Variants in GORAB observed in about 807,000 individuals in gnomAD.
GORAB encodes the protein golgin, RAB6 interacting.
In GORAB, 17 loss-of-function variants were observed where a neutral mutation model predicts 29.9. The observed-to-expected ratio is 0.57, with a 90% CI of 0.39 to 0.85. GORAB has a LOEUF of 0.85. Among genes scored for constraint, GORAB ranks in the 40% least tolerant of loss-of-function variants. The probability of loss-of-function intolerance (pLI) is 0.00; values close to 1 mark genes in which losing one functional copy is unlikely to be tolerated. For missense variants in GORAB, 442 were observed against 437.8 expected (o/e 1.01, Z -0.09); for synonymous variants, 183 against 157.2 (o/e 1.16, Z -1.23).
intron 2 of GORAB, 172 bp downstream of exon 2, chr1:170,539,739 A>C: frequency 1.5e-6 from 1 of 662,406 alleles, no homozygotes; most frequent in East Asian, 2.8e-5. Context: ...CCTAAATATA[A>C]GCTGGACACA....
At position 170,552,192 on chromosome 1, in the gene GORAB, A is replaced by G; in HGVS notation, c.840A>G (p.Glu280=). The G allele has an allele frequency of 6.2e-7, 1 of 1,614,142 alleles. No homozygotes were observed. Among genetic ancestry groups the G allele is most frequent in the Non-Finnish European group, 8.5e-7 (1 of 1,179,994 alleles). ...AACAACTAGATGTAGAAGCCGATGA[A>G]GAGACTTTGGAGCTTGAGGTGGAGG... The part of the protein sequence containing the change: ...LMQQLDVEAD[E]ETLELEVEVE... Residue 280 remains glutamate, a synonymous_variant, in exon 5 of 5, where the codon GAA becomes GAG. Transcript: ENST00000367763.
rs1650260583 is a variant in GORAB, at chr1:170,553,521, T to G, written c.*1059T>G. ...AAAATATTACCTTTGAGGACTTTTTTTTTTTAAAAAAAGAATTATTATCAG... is the reference window on the plus strand; with the variant it reads ...AAAATATTACCTTTGAGGACTTTTTGTTTTTAAAAAAAGAATTATTATCAG... On this transcript the variant is annotated 3_prime_UTR_variant, in exon 5 of 5. Coordinates refer to ENST00000367763, the MANE Select transcript of GORAB (RefSeq NM_152281.3). 9.3e-6 allele frequency: 4 copies of G among 428,838 alleles called. No homozygotes were observed. The highest frequency in any genetic ancestry group is 1.8e-5 in the Non-Finnish European group (4 of 220,330). 26.6% of individuals were successfully genotyped at this position (428,838 alleles called of 1,614,324 possible).
chr1:170,539,084 A>G (rs974664888), intron 1 of GORAB, 126 bp from the exon 2 acceptor site: 5 of 1,152,344 alleles, frequency 4.3e-6, no homozygotes, highest in Non-Finnish European at 5.0e-6. Context: ...GACTTTCAAG[A>G]TAGAGAATGG....
At chr1:170,534,192 G>A (rs983239149) in intron 1 of GORAB, among the ~76,000 whole-genome samples, 1 of 152,192 alleles carries the variant, frequency 6.6e-6, no homozygotes, top group African/African-American at 2.4e-5. Context: ...CTCATCTAGC[G>A]GGCTACTGTA....
At chr1:170,532,604 G>T in intron 1 of GORAB, 1 of 367,066 alleles carries the variant, frequency 2.7e-6, no homozygotes. Context: ...AGGGAAGATT[G>T]CTGCAGGAAT....
Position 170,552,432 on chromosome 1 carries a change from T to G in GORAB, c.1080T>G (p.Gly360=). ...GTCCAAACTGCCCAAATCAAGAAGG[T>G]AATGACATTTCAGCTGCTTTGGCCA... ...FLSPNCPNQE[G]NDISAALAT is the part of the protein sequence containing the mutation. Residue 360 remains glycine, a synonymous_variant, in exon 5 of 5, where the codon GGT becomes GGG. Coordinates refer to ENST00000367763, the MANE Select transcript of GORAB (RefSeq NM_152281.3). 1 of 1,613,928 alleles carries G rather than the reference T, an allele frequency of 6.2e-7. No homozygotes were observed. Among genetic ancestry groups the G allele is most frequent in the Non-Finnish European group, 8.5e-7 (1 of 1,179,912 alleles).
rs193214787 is a variant in GORAB, at chr1:170,546,983, C to T, written c.662+2138C>T. ...TACAGGTGTGAGCCACCACGCCTGG[C>T]CATGTGCTGCTATTTTCAAAAGCCG... is the stretch of plus-strand genomic sequence containing the variant. On this transcript the variant is annotated intron_variant, in intron 4 of 4. Coordinates refer to ENST00000367763, the MANE Select transcript of GORAB (RefSeq NM_152281.3). Among the ~76,000 whole-genome samples the T allele has an allele frequency of 2.2e-3, 340 of 152,292 alleles. 2 individuals carry two copies. Among genetic ancestry groups the T allele is most frequent in the African/African-American group, 7.7e-3 (319 of 41,552 alleles).
At position 170,553,504 on chromosome 1, in the gene GORAB, A is replaced by T; in HGVS notation, c.*1042A>T. On this transcript the variant is annotated 3_prime_UTR_variant, in exon 5 of 5. Coordinates refer to ENST00000367763, the MANE Select transcript of GORAB (RefSeq NM_152281.3). ...AGAAATTCCAAAAAGTAAAAATATTACCTTTGAGGACTTTTTTTTTTTAAA... is the reference window on the plus strand; with the variant it reads ...AGAAATTCCAAAAAGTAAAAATATTTCCTTTGAGGACTTTTTTTTTTTAAA... 2.3e-6 allele frequency: 1 copy of T among 428,822 alleles called. No individual in the cohort carries two copies. The highest frequency in any genetic ancestry group is 2.8e-5 in the Admixed American group (1 of 35,820). 26.6% of individuals were successfully genotyped at this position (428,822 alleles called of 1,614,324 possible).
intron 4 of GORAB, among the ~76,000 whole-genome samples, chr1:170,550,579 G>A (rs1650045162): frequency 6.6e-6 from 1 of 152,186 alleles, no homozygotes; most frequent in Non-Finnish European, 1.5e-5. Flanking sequence ...GGGTACACAT[G>A]GTAAATGTCA....
At position 170,552,276 on chromosome 1, in the gene GORAB, G is replaced by A. The variant is rs756523169; in HGVS notation, c.924G>A (p.Glu308=). The change falls in exon 5 of 5, where the codon GAG becomes GAA. Residue 308 remains glutamate (E), a synonymous_variant. Transcript: ENST00000367763. ...VESRRPVVRL[E]RPFQPAEESV... is the part of the protein sequence containing the mutation. ...CAAGGAGACCAGTGGTTCGTTTAGAGAGGCCATTTCAGCCTGCGGAGGAGA... is the reference window on the plus strand; with the variant it reads ...CAAGGAGACCAGTGGTTCGTTTAGAAAGGCCATTTCAGCCTGCGGAGGAGA... 6.2e-7 allele frequency: 1 copy of A among 1,614,158 alleles called. No homozygotes were observed. Among genetic ancestry groups the A allele is most frequent in the South Asian group, 1.1e-5 (1 of 91,080 alleles).
chr1:170,536,433 C>T (rs1649066332), intron 1 of GORAB: 1 of 152,152 alleles, frequency 6.6e-6, no homozygotes, highest in East Asian at 1.9e-4. Flanking sequence ...TACTATTTTA[C>T]ACCCATTTGA....
At chr1:170,532,706 G>C in intron 1 of GORAB, 2 of 189,038 alleles carry the variant, frequency 1.1e-5, no homozygotes, top group South Asian at 2.0e-4. Context: ...CAGATGGTTG[G>C]AAAAAAGGAG....
intron 4 of GORAB, among the ~76,000 whole-genome samples, chr1:170,549,728 G>T (rs942016301): frequency 1.3e-5 from 2 of 152,104 alleles, no homozygotes; most frequent in African/African-American, 2.4e-5. Flanking sequence ...AACATAGAGG[G>T]TTATTGAAAG....
intron 4 of GORAB, among the ~76,000 whole-genome samples, chr1:170,549,703 T>A (rs1482994395): frequency 6.6e-6 from 1 of 152,194 alleles, no homozygotes; most frequent in East Asian, 1.9e-4. Context: ...AGAGTTCCTT[T>A]AGAACAATTC....
intron 4 of GORAB, among the ~76,000 whole-genome samples, chr1:170,547,718 C>G (rs1346566310): frequency 6.6e-6 from 1 of 152,082 alleles, no homozygotes; most frequent in Non-Finnish European, 1.5e-5. Context: ...AGCATGGTAA[C>G]CATCTTTGTA....
At chr1:170,542,667 T>C in intron 3 of GORAB, 75 bp downstream of exon 3, 1 of 982,102 alleles carries the variant, frequency 1.0e-6, no homozygotes, top group Non-Finnish European at 1.6e-6. Flanking sequence ...TGTTTTCCCA[T>C]GTCTCTTTTA....
At chr1:170,543,330 A>G (rs1395957118) in intron 3 of GORAB, among the ~76,000 whole-genome samples, 2 of 152,232 alleles carry the variant, frequency 1.3e-5, no homozygotes, top group Non-Finnish European at 2.9e-5. Flanking sequence ...ATGGTTGTGA[A>G]TAGTGAAAAC....
In GORAB at chr1:170,539,194, A is replaced by G. The variant is rs561578722; in HGVS notation, c.62-16A>G. The G allele has an allele frequency of 3.1e-6, 5 of 1,613,808 alleles. No homozygotes were observed. Among genetic ancestry groups the G allele is most frequent in the East Asian group, 2.2e-5 (1 of 44,886 alleles). ...TGCCCACACAAAGGAATTTTCCTCT[A>G]TTTTCTTTTACATAGATCCATTTGA... On this transcript the variant is annotated splice_polypyrimidine_tract_variant and intron_variant, in intron 1 of 4. Coordinates refer to ENST00000367763, the MANE Select transcript of GORAB (RefSeq NM_152281.3).
At chr1:170,537,177 A>T (rs1649114574) in intron 1 of GORAB, among the ~76,000 whole-genome samples, 1 of 148,772 alleles carries the variant, frequency 6.7e-6, no homozygotes, top group Non-Finnish European at 1.5e-5. Flanking sequence ...TCCAATCTTT[A>T]CATTTCTTTT....
Sources: allele counts gnomAD v4.1 joint callset (sites outside exome capture counted in the v4.1 genomes callset), GRCh38; gene constraint gnomAD v4.1.1; transcripts MANE v1.5; gene names NCBI Gene and HGNC (gene_info 2026-07-23, HGNC 2026-07-21).